Variants in MTCL1 observed in about 807,000 individuals in gnomAD.
MTCL1 encodes microtubule crosslinking factor 1, also known as microtubule cross-linking factor 1.
A neutral mutation model predicts 141.4 loss-of-function variants in MTCL1; 79 were observed. That is an observed-to-expected ratio of 0.56 (90% CI 0.47 to 0.67). MTCL1 has a LOEUF of 0.67. Ranked by LOEUF, MTCL1 falls within the 30% of genes least tolerant of loss-of-function variation. The pLI, the probability that MTCL1 is intolerant of heterozygous loss-of-function variation, is 0.00. For synonymous variants in MTCL1, 914 were observed against 875.8 expected, an observed-to-expected ratio of 1.04 and a Z score of -0.77; for missense variants, 2,177 against 2,113.9, an observed-to-expected ratio of 1.03 and a Z score of -0.59.
At chr18:8,744,634 C>CT (rs891593086) in intron 4 of MTCL1, among the ~76,000 whole-genome samples, 1 of 151,990 alleles carries the variant, frequency 6.6e-6, no homozygotes, top group African/African-American at 2.4e-5. Flanking sequence ...GGTTTGGATA[C>CT]TTTTTTTAGA....
At chr18:8,718,305 G>A (rs960846169) in intron 2 of MTCL1, 119 bp from the exon 2 acceptor site, 7 of 992,004 alleles carry the variant, frequency 7.1e-6, no homozygotes, top group African/African-American at 1.6e-5. Flanking sequence ...TGGCCATGAG[G>A]TGATGGGTAA....
chr18:8,763,194 A>G (rs1378043790), intron 4 of MTCL1, among the ~76,000 whole-genome samples: 2 of 152,202 alleles, frequency 1.3e-5, no homozygotes, highest in African/African-American at 2.4e-5. Flanking sequence ...AGTTATGTGC[A>G]AGAAAACAGA....
chr18:8,726,540 C>T (rs1414944468), intron 4 of MTCL1, among the ~76,000 whole-genome samples: 9 of 88,002 alleles, frequency 1.0e-4, no homozygotes, highest in East Asian at 3.5e-4. Context: ...AGTGCGCATG[C>T]GCGCGCGCAA....
intron 4 of MTCL1, among the ~76,000 whole-genome samples, chr18:8,746,254 A>C (rs1240100833): frequency 6.6e-6 from 1 of 152,260 alleles, no homozygotes; most frequent in Admixed American, 6.5e-5. Flanking sequence ...GTGTACTCGG[A>C]AGTGGGATTG....
intron 16 of MTCL1, chr18:8,829,430 C>A: frequency 2.0e-6 from 2 of 980,890 alleles, no homozygotes; most frequent in Non-Finnish European, 2.4e-6. Flanking sequence ...TTTCAACAAC[C>A]ATACCACAAG....
At chr18:8,721,813 C>G (rs1166094964) in intron 4 of MTCL1, among the ~76,000 whole-genome samples, 2 of 152,220 alleles carry the variant, frequency 1.3e-5, no homozygotes, top group Admixed American at 6.5e-5. Flanking sequence ...AGTGCCCCTT[C>G]GTATCACAAG....
chr18:8,705,819 C>CGCCCGGCCCGCCGCGCCCG lies in MTCL1; in HGVS notation c.168_186dup (p.Val63ArgfsTer158). On this transcript the variant is annotated frameshift_variant, in exon 1 of 14. Coordinates refer to the MTCL1 transcript ENST00000306329. LOFTEE classifies it high-confidence loss of function. This position sits in a 1 kb window ranked among gnomAD's most constrained non-coding sequence, Gnocchi z 5.2. The stretch of plus-strand genomic sequence containing the variant: ...CCAGACCCTTCCTCAAGGACCTGCA[C>CGCCCGGCCCGCCGCGCCCG]GCCCGGCCCGCCGCGCCCGGCCCGG... 1 of 1,183,048 alleles carries CGCCCGGCCCGCCGCGCCCG rather than the reference C, an allele frequency of 8.5e-7. No homozygotes were observed. The highest frequency in any genetic ancestry group is 1.0e-6 in the Non-Finnish European group (1 of 955,922). 73.3% of individuals were successfully genotyped at this position (1,183,048 alleles called of 1,614,324 possible).
chr18:8,796,805 A>G (rs76770415), intron 9 of MTCL1, among the ~76,000 whole-genome samples: 1,765 of 152,308 alleles, frequency 0.012, 38 homozygotes, highest in African/African-American at 0.04. Context: ...TCCCTGTGAA[A>G]CCTGCATGAT....
intron 12 of MTCL1, among the ~76,000 whole-genome samples, chr18:8,815,660 G>C (rs952332655): frequency 2.3e-4 from 31 of 134,642 alleles, no homozygotes; most frequent in Admixed American, 2.3e-3. Context: ...AAAAAAAAAA[G>C]AAAAGTCAGT....
chr18:8,804,393 C>A (rs1421745904), intron 10 of MTCL1, among the ~76,000 whole-genome samples: 2 of 151,852 alleles, frequency 1.3e-5, no homozygotes, highest in Non-Finnish European at 2.9e-5. Flanking sequence ...GTAGTTGGGA[C>A]TACAGGCAAG....
rs1444328195 is a variant in MTCL1 at position 8,828,222 on chromosome 18, G to A, written c.4723-686G>A. On this transcript the variant is annotated intron_variant, in intron 15 of 16. Coordinates refer to ENST00000359865, the Ensembl canonical transcript of MTCL1. This position sits in a 1 kb window ranked among gnomAD's most constrained non-coding sequence, Gnocchi z 5.2. ...CCAAGCCCACCCAGTGCGCTGTTGCGGAATCTTTCCCCGAATGTTCACTCA... is the reference window on the plus strand; with the variant it reads ...CCAAGCCCACCCAGTGCGCTGTTGCAGAATCTTTCCCCGAATGTTCACTCA... Among the ~76,000 whole-genome samples, 2 of 152,104 alleles carry A rather than the reference G, an allele frequency of 1.3e-5. No individual in the cohort carries two copies. The highest frequency in any genetic ancestry group is 2.9e-5 in the Non-Finnish European group (2 of 68,034).
intron 4 of MTCL1, 86 bp from the exon 4 acceptor site, chr18:8,777,747 G>T: frequency 2.5e-6 from 3 of 1,196,212 alleles, no homozygotes; most frequent in Non-Finnish European, 2.5e-6. Flanking sequence ...CAGTGTGTGT[G>T]TCCCCACCCA....
chr18:8,769,886 G>C (rs1001052281), intron 4 of MTCL1, among the ~76,000 whole-genome samples: 5 of 152,192 alleles, frequency 3.3e-5, no homozygotes, highest in African/African-American at 1.2e-4. Context: ...GAATTCTGCT[G>C]TCTGCAGCCT....
rs1474061968 is a variant in MTCL1 at position 8,708,166 on chromosome 18, CTTG to C, written c.1053+1459_1053+1461del. 1.3e-5 allele frequency among the ~76,000 whole-genome samples: 2 copies of C among 152,192 alleles called. 1 individual carries two copies. Among genetic ancestry groups the C allele is most frequent in the South Asian group, 4.1e-4 (2 of 4,834 alleles). ...GCTCCCTGAGGGTGACCAAGATAAT[CTTG>C]TTGTTTTTGTATCCCTGGCTCTTAG... On this transcript the variant is annotated intron_variant, in intron 1 of 13. Coordinates refer to the MTCL1 transcript ENST00000306329.
rs1567944941 is a variant in MTCL1, at chr18:8,726,497, GCGCGCGCGCGC to G, written c.357+6002_357+6012del. Among the ~76,000 whole-genome samples the G allele has an allele frequency of 2.8e-3, 271 of 96,492 alleles. 1 individual carries two copies. The highest frequency in any genetic ancestry group is 8.0e-3 in the South Asian group (23 of 2,890). 63.3% of individuals were successfully genotyped at this position (96,492 alleles called of 152,430 possible). On this transcript the variant is annotated intron_variant, in intron 4 of 16. Coordinates refer to ENST00000359865, the Ensembl canonical transcript of MTCL1. ...GGAGAGAGAGAGAGAGAGAGAGAGC[GCGCGCGCGCGC>G]AAGAGCGAGCGAGAGAGAGCGAGTG...
At chr18:8,755,661 G>C (rs1426636844) in intron 4 of MTCL1, among the ~76,000 whole-genome samples, 1 of 152,172 alleles carries the variant, frequency 6.6e-6, no homozygotes, top group African/African-American at 2.4e-5. Flanking sequence ...TATTTTTAGA[G>C]TCTAAACCAC....
chr18:8,733,359 T>G (rs993525228), intron 4 of MTCL1, among the ~76,000 whole-genome samples: 1 of 152,200 alleles, frequency 6.6e-6, no homozygotes, highest in African/African-American at 2.4e-5. Context: ...GAAGATGATA[T>G]GGTTTTTCAC....
At chr18:8,797,146 G>A (rs1435956980) in intron 9 of MTCL1, among the ~76,000 whole-genome samples, 1 of 152,170 alleles carries the variant, frequency 6.6e-6, no homozygotes, top group Non-Finnish European at 1.5e-5. Context: ...ATTCATTGAC[G>A]TTATCACCCT....
At chr18:8,786,861 C>T (rs28418347) in intron 7 of MTCL1, 62,124 of 157,230 alleles carry the variant, frequency 0.4, 12,423 homozygotes, top group South Asian at 0.48. Flanking sequence ...GTGTCACAGC[C>T]CGCCTAGTCA....
Sources: gnomAD v4.1 joint callset for allele counts (sites outside exome capture counted in the v4.1 genomes callset) on GRCh38, gnomAD v4.1.1 for gene constraint, Gnocchi (gnomAD v3.1) non-coding constraint, MANE v1.5 for transcripts, NCBI Gene and HGNC (gene_info 2026-07-23, HGNC 2026-07-21) for gene names.